Variants in DCAF1 observed in about 807,000 individuals in gnomAD.
The protein encoded by DCAF1 is DDB1 and CUL4 associated factor 1.
A neutral mutation model predicts 128.0 loss-of-function variants in DCAF1; 15 were observed. The observed-to-expected ratio is 0.12, with a 90% CI of 0.08 to 0.18. The LOEUF is 0.18. Ranked by LOEUF, DCAF1 falls within the 10% of genes least tolerant of loss-of-function variation. DCAF1 has a pLI of 1.00. For missense variants in DCAF1, 988 were observed against 1,649.5 expected, an observed-to-expected ratio of 0.60 and a Z score of 6.95; for synonymous variants, 610 against 603.0, an observed-to-expected ratio of 1.01 and a Z score of -0.17.
At chr3:51,423,655 T>TA (rs1245678223) in intron 13 of DCAF1, among the ~76,000 whole-genome samples, 5 of 149,214 alleles carry the variant, frequency 3.4e-5, no homozygotes, top group African/African-American at 7.4e-5. Flanking sequence ...CCATCTCTAT[T>TA]AAAAAATACA....
At chr3:51,466,934 C>T (rs1284797247) in intron 4 of DCAF1, 58 bp from the exon 5 acceptor site, 2 of 1,521,840 alleles carry the variant, frequency 1.3e-6, no homozygotes, top group Non-Finnish European at 1.8e-6. Flanking sequence ...CCCAGTCAAG[C>T]AACTTAGACC....
intron 23 of DCAF1, 28 bp downstream of exon 23, chr3:51,412,351 G>A: frequency 6.2e-7 from 1 of 1,613,308 alleles, no homozygotes; most frequent in Non-Finnish European, 8.5e-7. Flanking sequence ...GCACTGTTCA[G>A]CAGAAAGAAA....
intron 5 of DCAF1, among the ~76,000 whole-genome samples, chr3:51,464,808 A>G (rs545081022): frequency 9.2e-5 from 14 of 152,324 alleles, no homozygotes; most frequent in Admixed American, 6.5e-4. Context: ...AGAAGGCTTA[A>G]GAGAAGAAGT....
intron 23 of DCAF1, among the ~76,000 whole-genome samples, chr3:51,406,022 A>ATC (rs2090078423): frequency 1.3e-5 from 2 of 151,990 alleles, no homozygotes; most frequent in Non-Finnish European, 2.9e-5. Context: ...CAACAGAGTG[A>ATC]GATCCCATTT....
At chr3:51,430,907 C>T (rs1700310995) in intron 10 of DCAF1, among the ~76,000 whole-genome samples, 1 of 152,046 alleles carries the variant, frequency 6.6e-6, no homozygotes, top group Admixed American at 6.6e-5. Context: ...GAAAAATGTC[C>T]CAGAAATAGA....
At chr3:51,504,204 T>A (rs1708887631), upstream of DCAF1, among the ~76,000 whole-genome samples, 1 of 151,444 alleles carries the variant, frequency 6.6e-6, no homozygotes, top group Admixed American at 6.6e-5. Context: ...GCCTGGCTAA[T>A]TTTTTATATT....
chr3:51,475,426 AT>A (rs1194297088), intron 3 of DCAF1, among the ~76,000 whole-genome samples: 1 of 151,968 alleles, frequency 6.6e-6, no homozygotes, highest in Non-Finnish European at 1.5e-5. Context: ...ATATAGTGAA[AT>A]CCCCCCCATC....
intron 4 of DCAF1, among the ~76,000 whole-genome samples, chr3:51,468,565 G>GAATGAAGA (rs1553647317): frequency 6.6e-6 from 1 of 152,158 alleles, no homozygotes; most frequent in African/African-American, 2.4e-5. Flanking sequence ...ATACAATAGA[G>GAATGAAGA]AATGAAGACA....
chr3:51,486,487 C>T (rs1706973733), intron 2 of DCAF1, among the ~76,000 whole-genome samples: 1 of 151,848 alleles, frequency 6.6e-6, no homozygotes, highest in African/African-American at 2.4e-5. Flanking sequence ...AGCCACCACA[C>T]CCCGCCATAT....
At chr3:51,490,875 G>A (rs1346487073) in intron 2 of DCAF1, among the ~76,000 whole-genome samples, 2 of 152,020 alleles carry the variant, frequency 1.3e-5, no homozygotes, top group African/African-American at 2.4e-5. Context: ...GCAGTAAGCC[G>A]AGATCGTGCC....
intron 9 of DCAF1, chr3:51,438,179 G>T: frequency 3.1e-6 from 1 of 320,414 alleles, no homozygotes; most frequent in Non-Finnish European, 6.1e-6. Context: ...AGCCCAGCAG[G>T]GTAACTTCAG....
intron 3 of DCAF1, among the ~76,000 whole-genome samples, chr3:51,473,052 C>T (rs1436155995): frequency 5.4e-5 from 8 of 147,646 alleles, no homozygotes; most frequent in Middle Eastern, 3.6e-3. Context: ...CAAGGTGGGC[C>T]GATCACCTGA....
At chr3:51,473,952 T>C (rs1305258359) in intron 3 of DCAF1, among the ~76,000 whole-genome samples, 1 of 151,202 alleles carries the variant, frequency 6.6e-6, no homozygotes, top group African/African-American at 2.4e-5. Flanking sequence ...TACAGGCATG[T>C]GCCACCACGC....
chr3:51,475,412 G>A (rs1553650134), intron 3 of DCAF1, among the ~76,000 whole-genome samples: 1 of 151,854 alleles, frequency 6.6e-6, no homozygotes, highest in Non-Finnish European at 1.5e-5. Context: ...GACCAGCCTG[G>A]ACAATATAGT....
intron 9 of DCAF1, among the ~76,000 whole-genome samples, chr3:51,439,744 C>T (rs1195037933): frequency 6.6e-6 from 1 of 152,072 alleles, no homozygotes; most frequent in African/African-American, 2.4e-5. Context: ...GTAATCCCTA[C>T]ATTCTGGGGG....
At chr3:51,397,452 CAG>C (rs1271857522), downstream of DCAF1, 1 of 167,114 alleles carries the variant, frequency 6.0e-6, no homozygotes, top group East Asian at 1.9e-4. Flanking sequence ...GCCCCAGCTA[CAG>C]AGACGGCCGA....
chr3:51,441,343 A>G lies in DCAF1; in HGVS notation c.1026+42T>C, dbSNP rs782252586. ...ATAAAATACCACAGAAATGAACACA[A>G]TAATTCCTATGTGTGAACAGTACTC... is the stretch of plus-strand genomic sequence containing the variant. On this transcript the variant is annotated intron_variant, in intron 8 of 24. Transcript: ENST00000684031. The G allele has an allele frequency of 8.9e-6, 14 of 1,567,418 alleles. No homozygotes were observed. The Admixed American group carries it at 2.1e-4, about 23-fold the overall frequency.
At chr3:51,396,249 A>ACTT (rs1474848435), downstream of DCAF1, 1 of 257,438 alleles carries the variant, frequency 3.9e-6, no homozygotes, top group African/African-American at 2.2e-5. Flanking sequence ...TAGAGAAGAC[A>ACTT]CTTCAACCTT....
At chr3:51,434,725 C>G (rs1243941790) in intron 9 of DCAF1, among the ~76,000 whole-genome samples, 1 of 152,164 alleles carries the variant, frequency 6.6e-6, no homozygotes, top group Non-Finnish European at 1.5e-5. Context: ...GAACTAACCA[C>G]GTGCATTTTA....
Sources: gnomAD v4.1 joint callset for allele counts (sites outside exome capture counted in the v4.1 genomes callset) on GRCh38, gnomAD v4.1.1 for gene constraint, MANE v1.5 for transcripts, NCBI Gene and HGNC (gene_info 2026-07-23, HGNC 2026-07-21) for gene names.